Variants in BNC1 observed in about 807,000 individuals in gnomAD.
The protein encoded by BNC1 is zinc finger protein basonuclin-1.
Under a neutral mutation model 66.5 loss-of-function variants are expected in BNC1, and 8 were observed. The observed-to-expected ratio is 0.12, with a 90% confidence interval of 0.07 to 0.22. The LOEUF is 0.22. Among genes scored for constraint, BNC1 ranks in the 10% least tolerant of loss-of-function variants. The probability of loss-of-function intolerance (pLI) is 1.00; values close to 1 mark genes in which losing one functional copy is unlikely to be tolerated. For synonymous variants in BNC1, 454 were observed against 452.6 expected (o/e 1.00, Z -0.04); for missense variants, 1,069 against 1,241.3 (o/e 0.86, Z 2.09).
chr15:83,262,800 AC>A, intron 4 of BNC1, 150 bp downstream of exon 4: 1 of 786,518 alleles, frequency 1.3e-6, no homozygotes, highest in Middle Eastern at 3.8e-4. Flanking sequence ...AAAAATGCCA[AC>A]TCTCAGGCCT....
At chr15:83,265,043 G>A (rs2038201806) in intron 3 of BNC1, among the ~76,000 whole-genome samples, 1 of 152,188 alleles carries the variant, frequency 6.6e-6, no homozygotes, top group African/African-American at 2.4e-5. Flanking sequence ...TGGTGCAAAA[G>A]AGACAAATAA....
chr15:83,283,241 C>G lies in BNC1; in HGVS notation c.99+1289G>C, dbSNP rs768883681. On this transcript the variant is annotated intron_variant, in intron 1 of 4. Transcript: ENST00000345382. ...TGAAAGTTTGGCTCGGAGCTACGCG[C>G]TGATTAATATCAGATCTCCTTCACT... 1.2e-5 allele frequency: 19 copies of G among 1,535,536 alleles called. No individual in the cohort carries two copies. The South Asian group carries it at 2.3e-4, about 18-fold the overall frequency.
chr15:83,267,527 G>A (rs2038229850), intron 2 of BNC1, among the ~76,000 whole-genome samples: 1 of 152,088 alleles, frequency 6.6e-6, no homozygotes, highest in Admixed American at 6.6e-5. Flanking sequence ...GCTGTCCAAT[G>A]TAATAGCCAT....
At position 83,267,050 on chromosome 15, in the gene BNC1, G is replaced by A; in HGVS notation, c.221C>T (p.Pro74Leu). ...VAHALSKLRI[P>L]PMYPTSQVEI... ...CACCTGGCTTGTTGGATACATGGGGGGGATCCTTAGCTTACTTAGAGCTGA... is the reference window on the plus strand; with the variant it reads ...CACCTGGCTTGTTGGATACATGGGGAGGATCCTTAGCTTACTTAGAGCTGA... Residue 74 changes from proline to leucine, a missense_variant, in exon 3 of 5, where the codon CCC (proline) becomes CTC (leucine). Pro to Leu is a moderately conservative substitution (Grantham distance 98). This residue lies in a region of BNC1 where 30 missense variants were observed against 20.2 expected (regional missense o/e 1.49). Transcript: ENST00000345382. The A allele has an allele frequency of 6.2e-7, 1 of 1,613,692 alleles. No individual in the cohort carries two copies. Among genetic ancestry groups the A allele is most frequent in the Non-Finnish European group, 8.5e-7 (1 of 1,179,724 alleles).
chr15:83,258,228 A>G lies in BNC1; in HGVS notation c.2301-102T>C, dbSNP rs1180288380. On this transcript the variant is annotated intron_variant, in intron 4 of 4. Transcript: ENST00000345382. Reference sequence around the variant, plus strand: ...GTAGATACCAGGAAAAACATGTGGTATGGGAGCACCGATGATAAGGGGGTA... The same window carrying G: ...GTAGATACCAGGAAAAACATGTGGTGTGGGAGCACCGATGATAAGGGGGTA... 4 of 1,233,672 alleles carry G rather than the reference A, an allele frequency of 3.2e-6. No individual in the cohort carries two copies. In the African/African-American group the frequency reaches 4.5e-5, roughly 14 times the overall value. 76.4% of individuals were successfully genotyped at this position (1,233,672 alleles called of 1,614,324 possible). A position where few individuals can be genotyped will look rare whatever the true frequency, so the allele number is the denominator to read the frequency against.
intron 1 of BNC1, chr15:83,283,057 C>A: frequency 1.4e-6 from 2 of 1,468,424 alleles, no homozygotes; most frequent in Non-Finnish European, 1.8e-6. Context: ...AACCCCCGAG[C>A]GTCTGATGCC....
chr15:83,262,515 C>G (rs1457929965), intron 4 of BNC1, among the ~76,000 whole-genome samples: 1 of 151,666 alleles, frequency 6.6e-6, no homozygotes, highest in African/African-American at 2.4e-5. Context: ...TAAATCCACA[C>G]AAAAGGAGAT....
At chr15:83,281,300 C>T (rs1391951260) in intron 1 of BNC1, among the ~76,000 whole-genome samples, 2 of 152,150 alleles carry the variant, frequency 1.3e-5, no homozygotes, top group African/African-American at 4.8e-5. Context: ...TTCTTTTGAG[C>T]AGAATCCAGT....
intron 3 of BNC1, 77 bp downstream of exon 3, chr15:83,266,759 G>A: frequency 7.9e-7 from 1 of 1,267,580 alleles, no homozygotes; most frequent in Non-Finnish European, 1.2e-6. Flanking sequence ...GCATTGGGAG[G>A]TAACTGGGTT....
rs1045156466 is a variant in BNC1, at chr15:83,283,109, G to C, written c.99+1421C>G. ...CACACAACTTCACTCACACAATTAA[G>C]GCTGGGAGATGGCATTCCACTTAAC... On this transcript the variant is annotated intron_variant, in intron 1 of 4. Coordinates refer to ENST00000345382, the MANE Select transcript of BNC1 (RefSeq NM_001717.4). 4 of 1,530,840 alleles carry C rather than the reference G, an allele frequency of 2.6e-6. No individual in the cohort carries two copies. In the African/African-American group the frequency reaches 5.5e-5, roughly 21 times the overall value. The allele number at this position is 1,530,840 out of a possible 1,614,324, so 94.8% of individuals were successfully genotyped here.
rs753348207 is a variant in BNC1 at position 83,268,121 on chromosome 15, A to G, written c.199+12T>C. 1.9e-6 allele frequency: 3 copies of G among 1,611,492 alleles called. No individual in the cohort carries two copies. Among genetic ancestry groups the G allele is most frequent in the Non-Finnish European group, 2.5e-6 (3 of 1,177,602 alleles). ...ACACTACAGGCCAAGAGAGGGTGAA[A>G]AATAAAGTTACCGTGGGCCACCCAT... On this transcript the variant is annotated intron_variant, in intron 2 of 4. Transcript: ENST00000345382.
In BNC1 at chr15:83,256,447, T is replaced by C. The variant is rs1317146383; in HGVS notation, c.*995A>G. The stretch of plus-strand genomic sequence containing the variant: ...AAAAGTTCATCCTAATCTTATACGT[T>C]TATAAAACGGTGAAGACTGAGGGAT... On this transcript the variant is annotated 3_prime_UTR_variant, in exon 5 of 5. Coordinates refer to ENST00000345382, the MANE Select transcript of BNC1 (RefSeq NM_001717.4). 1 of 152,654 alleles carries C rather than the reference T, an allele frequency of 6.6e-6. No individual in the cohort carries two copies. Among genetic ancestry groups the C allele is most frequent in the African/African-American group, 2.4e-5 (1 of 41,464 alleles). The allele number at this position is 152,654 out of a possible 1,614,324, so 9.5% of individuals were successfully genotyped here.
In BNC1 at chr15:83,257,696, G is replaced by C. The variant is rs199963249; in HGVS notation, c.2731C>G (p.Leu911Val). ...AGGCTCTGGTCAGCCTTCTCCATCA[G>C]GACACAGATGGGGTACTCATCTTCC... is the stretch of plus-strand genomic sequence containing the variant. ...PGEDEYPICV[L>V]MEKADQSLAS... Residue 911 changes from leucine (L) to valine (V), a missense_variant, in exon 5 of 5, where the codon CTG (leucine) becomes GTG (valine). By Grantham distance (32) the Leu-to-Val change is conservative. Transcript: ENST00000345382. The C allele has an allele frequency of 2.5e-6, 4 of 1,614,116 alleles. No individual in the cohort carries two copies. In the East Asian group the frequency reaches 8.9e-5, roughly 36 times the overall value.
intron 3 of BNC1, 90 bp downstream of exon 3, chr15:83,266,746 G>T: frequency 8.8e-7 from 1 of 1,137,484 alleles, no homozygotes; most frequent in Non-Finnish European, 1.3e-6. Context: ...ACCAAGGGCT[G>T]TAGCATTGGG....
chr15:83,257,905 C>A lies in BNC1; in HGVS notation c.2522G>T (p.Ser841Ile), dbSNP rs1358649038. 2 of 1,614,202 alleles carry A rather than the reference C, an allele frequency of 1.2e-6. No homozygotes were observed. Among genetic ancestry groups the A allele is most frequent in the Non-Finnish European group, 1.7e-6 (2 of 1,180,028 alleles). The change falls in exon 5 of 5, where the codon AGC becomes ATC. Residue 841 changes from serine (S) to isoleucine (I), a missense_variant. Ser to Ile is a moderately radical substitution (Grantham distance 142). Around this residue, in one of 7 missense-constraint regions of BNC1, gnomAD observed 657 missense variants for 715.8 expected, o/e 0.92. Coordinates refer to ENST00000345382, the MANE Select transcript of BNC1 (RefSeq NM_001717.4). ...VYPITQVHSASLESYNSGPLS... is the reference protein window; with the variant it reads ...VYPITQVHSAILESYNSGPLS... ...GGGGCCAGAGTTGTAGCTCTCCAGG[C>A]TGGCACTGTGGACTTGCGTTATTGG...
At chr15:83,260,508 T>C (rs540438459) in intron 4 of BNC1, among the ~76,000 whole-genome samples, 1 of 152,292 alleles carries the variant, frequency 6.6e-6, no homozygotes, top group South Asian at 2.1e-4. Context: ...TGTAGACATA[T>C]CCCTTCTTCC....
chr15:83,260,507 A>G (rs1045568748), intron 4 of BNC1, among the ~76,000 whole-genome samples: 1 of 152,166 alleles, frequency 6.6e-6, no homozygotes, highest in Admixed American at 6.5e-5. Flanking sequence ...GTGTAGACAT[A>G]TCCCTTCTTC....
At chr15:83,272,808 C>T (rs1391268001) in intron 1 of BNC1, among the ~76,000 whole-genome samples, 1 of 152,172 alleles carries the variant, frequency 6.6e-6, no homozygotes, top group Admixed American at 6.5e-5. Flanking sequence ...GTCAGGTTTT[C>T]TCAACTTTGG....
rs560685127 is a variant in BNC1, at chr15:83,263,970, C to T, written c.1281G>A (p.Arg427=). Residue 427 remains arginine, a synonymous_variant, in exon 4 of 5, where the codon AGG becomes AGA. Coordinates refer to ENST00000345382, the MANE Select transcript of BNC1 (RefSeq NM_001717.4). ...MNRNNRDKDL[R]NSLNLASSEN... is the part of the protein sequence containing the mutation. Reference sequence around the variant, plus strand: ...CAGAGCTGGCCAGGTTCAGGCTGTTCCTGAGGTCTTTGTCCCGGTTATTTC... The same window carrying T: ...CAGAGCTGGCCAGGTTCAGGCTGTTTCTGAGGTCTTTGTCCCGGTTATTTC... 1.7e-5 allele frequency: 28 copies of T among 1,614,172 alleles called. No homozygotes were observed. In the South Asian group the frequency reaches 2.9e-4, roughly 16 times the overall value.
Sources: gnomAD v4.1 joint callset for allele counts (sites outside exome capture counted in the v4.1 genomes callset) on GRCh38, gnomAD v4.1.1 for gene constraint, gnomAD v4.1.1 regional missense constraint, MANE v1.5 for transcripts, NCBI Gene and HGNC (gene_info 2026-07-23, HGNC 2026-07-21) for gene names.